The following P2RY14 variants were observed in gnomAD, a reference collection of about 807,000 sequenced individuals.
P2RY14 encodes purinergic receptor P2Y14, also known as P2Y purinoceptor 14.
Under a neutral mutation model 0.9 loss-of-function variants are expected in P2RY14, and 2 were observed. The observed-to-expected ratio is 2.16, with a 90% confidence interval of 0.88 to 6.79. The LOEUF is 6.79. P2RY14 is among the 30% of genes most tolerant of loss of function. P2RY14 has a pLI of 0.05. For synonymous variants in P2RY14, 158 were observed against 147.2 expected, an observed-to-expected ratio of 1.07 and a Z score of -0.53; for missense variants, 378 against 400.1, an observed-to-expected ratio of 0.94 and a Z score of 0.47.
chr3:151,214,213 G>A lies in P2RY14; in HGVS notation c.104C>T (p.Ala35Val), dbSNP rs554481832. The A allele has an allele frequency of 1.8e-5, 29 of 1,613,762 alleles. 1 individual carries two copies. The South Asian group carries it at 3.2e-4, about 18-fold the overall frequency. The change falls in exon 3 of 3, where the codon GCA becomes GTA. Residue 35 changes from alanine (A) to valine (V), a missense_variant. Ala to Val is a moderately conservative substitution (Grantham distance 64). Coordinates refer to ENST00000309170, the MANE Select transcript of P2RY14 (RefSeq NM_014879.4). ...IPVLYCMVFIAGILLNGVSGW... is the reference protein window; with the variant it reads ...IPVLYCMVFIVGILLNGVSGW... ...TGACACTCCATTGAGTAGGATTCCT[G>A]CAATGAAGACCATACAGTACAGCAC...
chr3:151,213,858 A>G lies in P2RY14; in HGVS notation c.459T>C (p.Ala153=), dbSNP rs966935378. The change falls in exon 3 of 3, where the codon GCT becomes GCC. Residue 153 remains alanine (A), a synonymous_variant. Transcript: ENST00000309170. ...VIVWMLMLLL[A]VPNIILTNQS... ...GGTTGGTGAGAATAATATTTGGAAC[A>G]GCAAGGAGGAGCATGAGCATCCATA... The G allele has an allele frequency of 2.1e-5, 34 of 1,614,046 alleles. No individual in the cohort carries two copies. The highest frequency in any genetic ancestry group is 1.6e-4 in the Middle Eastern group (1 of 6,082).
At chr3:151,219,431 T>C (rs1013011073) in intron 2 of P2RY14, 104 bp downstream of exon 2, 3 of 152,204 alleles carry the variant, frequency 2.0e-5, no homozygotes, top group Non-Finnish European at 4.4e-5. Context: ...ACCTTCCTAA[T>C]TGTGAGCTGT....
intron 1 of P2RY14, among the ~76,000 whole-genome samples, chr3:151,234,237 A>G (rs1002834414): frequency 6.6e-6 from 1 of 152,266 alleles, no homozygotes; most frequent in Non-Finnish European, 1.5e-5. Flanking sequence ...GTGAAATTTT[A>G]TGCAGCAGTG....
chr3:151,225,593 C>G (rs7649855), intron 1 of P2RY14, among the ~76,000 whole-genome samples: 99,872 of 152,076 alleles, frequency 0.66, 33,000 homozygotes, highest in Non-Finnish European at 0.68. Context: ...AATTTTGAAA[C>G]GGACACTCAA....
intron 1 of P2RY14, among the ~76,000 whole-genome samples, chr3:151,264,665 G>A (rs1739499577): frequency 6.6e-6 from 1 of 152,186 alleles, no homozygotes; most frequent in Non-Finnish European, 1.5e-5. Flanking sequence ...GGAGCCTCCT[G>A]TGACCTTCCA....
intron 1 of P2RY14, among the ~76,000 whole-genome samples, chr3:151,250,127 C>T (rs1438304418): frequency 6.6e-6 from 1 of 152,194 alleles, no homozygotes; most frequent in Non-Finnish European, 1.5e-5. Flanking sequence ...GCTGTCTCCA[C>T]TTTCCCATTC....
intron 1 of P2RY14, among the ~76,000 whole-genome samples, chr3:151,229,473 A>ATTTTT (rs59434401): frequency 1.1e-5 from 1 of 90,124 alleles, no homozygotes; most frequent in Non-Finnish European, 2.1e-5. Flanking sequence ...TGCCCGGCTA[A>ATTTTT]TTTTTTTTTT....
At chr3:151,243,682 T>C (rs1386547784) in intron 1 of P2RY14, among the ~76,000 whole-genome samples, 3 of 151,770 alleles carry the variant, frequency 2.0e-5, no homozygotes, top group Non-Finnish European at 4.4e-5. Context: ...GTAAAGACCA[T>C]CAAGACTAGG....
intron 1 of P2RY14, among the ~76,000 whole-genome samples, chr3:151,242,517 C>T (rs1734401539): frequency 6.6e-6 from 1 of 152,186 alleles, no homozygotes; most frequent in Non-Finnish European, 1.5e-5. Flanking sequence ...ACTGACACCT[C>T]ACACAGCAGG....
rs184574138 is a variant in P2RY14 at position 151,214,346 on chromosome 3, A to G, written c.-24-6T>C. On this transcript the variant is annotated splice_polypyrimidine_tract_variant and splice_region_variant and intron_variant, in intron 2 of 2. Transcript: ENST00000309170. Reference sequence around the variant, plus strand: ...TAACTTCTGAAGGCAGAGGCCTGAAAAGAGGTGTGAACTGGTCACTCATAG... The same window carrying G: ...TAACTTCTGAAGGCAGAGGCCTGAAGAGAGGTGTGAACTGGTCACTCATAG... The G allele has an allele frequency of 2.0e-4, 312 of 1,593,420 alleles. No individual in the cohort carries two copies. The African/African-American group carries it at 3.6e-3, about 18-fold the overall frequency.
At chr3:151,256,829 C>T (rs200772266) in intron 1 of P2RY14, among the ~76,000 whole-genome samples, 365 of 93,568 alleles carry the variant, frequency 3.9e-3, no homozygotes, top group Middle Eastern at 5.4e-3. Context: ...TTTTTTTTTT[C>T]TTGGTGGGAA....
chr3:151,217,724 C>T (rs1260062198), intron 2 of P2RY14, among the ~76,000 whole-genome samples: 1 of 152,116 alleles, frequency 6.6e-6, no homozygotes, highest in Non-Finnish European at 1.5e-5. Context: ...TCTAAAGGAA[C>T]AAGCTAAAGA....
intron 1 of P2RY14, among the ~76,000 whole-genome samples, chr3:151,249,819 T>G (rs1377254103): frequency 6.6e-6 from 1 of 152,170 alleles, no homozygotes. Context: ...GAAATTATGC[T>G]CTGGATTAAT....
intron 2 of P2RY14, among the ~76,000 whole-genome samples, chr3:151,219,277 A>G (rs1371515656): frequency 6.6e-6 from 1 of 152,180 alleles, no homozygotes; most frequent in East Asian, 1.9e-4. Flanking sequence ...ACAGAATTTA[A>G]TTGATACAAG....
chr3:151,218,127 T>G (rs1234494069), intron 2 of P2RY14, among the ~76,000 whole-genome samples: 4 of 152,122 alleles, frequency 2.6e-5, no homozygotes, highest in African/African-American at 4.8e-5. Flanking sequence ...CTTTCACAAA[T>G]GAAGGAAATC....
At chr3:151,274,476 ATAGG>A (rs1275239549) in intron 1 of P2RY14, among the ~76,000 whole-genome samples, 8 of 152,096 alleles carry the variant, frequency 5.3e-5, no homozygotes, top group African/African-American at 1.9e-4. Flanking sequence ...GTGCAGAAAC[ATAGG>A]TAGGCAGTTT....
At chr3:151,263,742 G>A (rs555556201) in intron 1 of P2RY14, among the ~76,000 whole-genome samples, 1 of 131,686 alleles carries the variant, frequency 7.6e-6, no homozygotes, top group Non-Finnish European at 1.6e-5. Flanking sequence ...TACAGGGTTG[G>A]AATTCCTGGA....
intron 1 of P2RY14, among the ~76,000 whole-genome samples, chr3:151,224,030 T>G (rs1729964027): frequency 6.6e-6 from 1 of 152,240 alleles, no homozygotes; most frequent in African/African-American, 2.4e-5. Context: ...CTAATATTAC[T>G]GCCTATTAAC....
intron 1 of P2RY14, among the ~76,000 whole-genome samples, chr3:151,261,170 C>T (rs1330672120): frequency 6.6e-6 from 1 of 151,930 alleles, no homozygotes; most frequent in African/African-American, 2.4e-5. Flanking sequence ...TACTGTTCCC[C>T]ATTCTCTTTT....
Sources: allele counts gnomAD v4.1 joint callset (sites outside exome capture counted in the v4.1 genomes callset), GRCh38; gene constraint gnomAD v4.1.1; transcripts MANE v1.5; gene names NCBI Gene and HGNC (gene_info 2026-07-23, HGNC 2026-07-21).